SLC6A17: variants seen among roughly 807,000 people sequenced by gnomAD.
SLC6A17 encodes sodium-dependent neutral amino acid transporter SLC6A17.
Under a neutral mutation model 64.5 loss-of-function variants are expected in SLC6A17, and 21 were observed. That is an observed-to-expected ratio of 0.33 (90% CI 0.23 to 0.47). The LOEUF is 0.47. Ranked by LOEUF, SLC6A17 falls within the 20% of genes least tolerant of loss-of-function variation. The pLI is 1.00. For synonymous variants in SLC6A17, 372 were observed against 399.5 expected, an observed-to-expected ratio of 0.93 and a Z score of 0.82; for missense variants, 682 against 963.2, an observed-to-expected ratio of 0.71 and a Z score of 3.86.
At chr1:110,186,910 AC>A in intron 6 of SLC6A17, among the ~76,000 whole-genome samples, 1 of 152,366 alleles carries the variant, frequency 6.6e-6, no homozygotes, top group African/African-American at 2.4e-5. Context: ...GTAGGAGTTT[AC>A]CAGAAAGTGA....
chr1:110,197,732 G>T, intron 11 of SLC6A17, 133 bp downstream of exon 11: 1 of 1,051,420 alleles, frequency 9.5e-7, no homozygotes. Flanking sequence ...CACCTAAACC[G>T]CAATCTTACA....
Position 110,164,562 on chromosome 1 carries a change from C to G in SLC6A17, c.-87-2281C>G, listed in dbSNP as rs564617291. On this transcript the variant is annotated intron_variant, in intron 1 of 11. Transcript: ENST00000331565. ...GCCTCAGCCTGGAGGTTTGTGCGAG[C>G]CCTTTGCATCCTGCAGACCTAATGG... Among the ~76,000 whole-genome samples, 63 of 152,368 alleles carry G rather than the reference C, an allele frequency of 4.1e-4. No homozygotes were observed. In the South Asian group the frequency reaches 0.013, roughly 31 times the overall value.
chr1:110,167,242 G>C, intron 2 of SLC6A17, 27 bp downstream of exon 2: 1 of 1,593,196 alleles, frequency 6.3e-7, no homozygotes, highest in Non-Finnish European at 8.6e-7. Flanking sequence ...CCTGCATCAG[G>C]GGTCCCCTGC....
chr1:110,159,277 G>T (rs1655837740), intron 1 of SLC6A17, among the ~76,000 whole-genome samples: 1 of 152,158 alleles, frequency 6.6e-6, no homozygotes, highest in African/African-American at 2.4e-5. Context: ...GGTTGGGGGG[G>T]TGCTTTCTGG....
intron 6 of SLC6A17, among the ~76,000 whole-genome samples, chr1:110,189,443 A>C (rs1423778041): frequency 6.6e-6 from 1 of 151,890 alleles, no homozygotes; most frequent in Non-Finnish European, 1.5e-5. Context: ...AGATCTCTCC[A>C]TTGGCACCAC....
intron 1 of SLC6A17, among the ~76,000 whole-genome samples, chr1:110,156,119 A>T (rs150940544): frequency 6.6e-6 from 1 of 152,168 alleles, no homozygotes; most frequent in South Asian, 2.1e-4. Flanking sequence ...CTGCCACACC[A>T]CTGGGGCCAT....
intron 6 of SLC6A17, among the ~76,000 whole-genome samples, chr1:110,180,502 G>A (rs1057380207): frequency 6.6e-6 from 1 of 152,178 alleles, no homozygotes; most frequent in African/African-American, 2.4e-5. Flanking sequence ...AGGGAGTCAG[G>A]CAAGTGAGGC....
chr1:110,184,567 G>A (rs765823187), intron 6 of SLC6A17, among the ~76,000 whole-genome samples: 1 of 152,198 alleles, frequency 6.6e-6, no homozygotes, highest in Admixed American at 6.5e-5. Context: ...CAGAAAGGGT[G>A]GATAACTGTA....
chr1:110,175,386 A>G (rs1049988209), intron 5 of SLC6A17, among the ~76,000 whole-genome samples: 6 of 152,208 alleles, frequency 3.9e-5, no homozygotes, highest in African/African-American at 1.2e-4. Context: ...TTGAGCAGGT[A>G]GACGCTATGA....
chr1:110,195,943 T>A (rs891099884), intron 10 of SLC6A17, among the ~76,000 whole-genome samples, 198 bp downstream of exon 10: 1 of 152,182 alleles, frequency 6.6e-6, no homozygotes, highest in Non-Finnish European at 1.5e-5. Context: ...GTCTGAGGAC[T>A]GGGTGTCCTG....
chr1:110,172,374 AG>A, intron 3 of SLC6A17, 157 bp downstream of exon 3: 1 of 921,500 alleles, frequency 1.1e-6, no homozygotes, highest in Non-Finnish European at 1.6e-6. Context: ...CTGGGGTTCC[AG>A]GACCCCAGTC....
intron 1 of SLC6A17, among the ~76,000 whole-genome samples, chr1:110,162,674 A>G (rs1466595984): frequency 6.6e-6 from 1 of 152,200 alleles, no homozygotes; most frequent in Non-Finnish European, 1.5e-5. Context: ...TGCCTGCTCT[A>G]AAAGCTCACC....
At chr1:110,197,741 C>A in intron 11 of SLC6A17, 142 bp downstream of exon 11, 1 of 1,007,854 alleles carries the variant, frequency 9.9e-7, no homozygotes, top group Non-Finnish European at 1.4e-6. Flanking sequence ...CGCAATCTTA[C>A]AACAAGCCAA....
Position 110,192,693 on chromosome 1 carries a change from G to T in SLC6A17, c.1294G>T (p.Asp432Tyr). 1.2e-6 allele frequency: 2 copies of T among 1,613,168 alleles called. No homozygotes were observed. Among genetic ancestry groups the T allele is most frequent in the Non-Finnish European group, 1.7e-6 (2 of 1,179,440 alleles). ...CCCCTGCCTTCTGGAGGACGAGCTG[G>T]ACAAGGTGCGGGGACAGGCTGCCCT... is the stretch of plus-strand genomic sequence containing the variant. ...LDPCLLEDEL[D>Y]KSVQGTGLAF... Residue 432 changes from aspartate (D) to tyrosine (Y), a missense_variant, in exon 8 of 12, where the codon GAC (aspartate) becomes TAC (tyrosine). Asp to Tyr is a radical substitution (Grantham distance 160, BLOSUM62 -3). Coordinates refer to ENST00000331565, the MANE Select transcript of SLC6A17 (RefSeq NM_001010898.4). This position sits in a 1 kb window ranked among gnomAD's most constrained non-coding sequence, Gnocchi z 4.3.
Position 110,198,350 on chromosome 1 carries a change from C to A in SLC6A17, c.2090C>A (p.Pro697His), listed in dbSNP as rs778682488. ...CCCACTCACCGTTCCTATCTGGGGC[C>A]CGGCAGCACATCACCCCTGGAGACC... ...PMPTHRSYLG[P>H]GSTSPLETSG... The change falls in exon 12 of 12, where the codon CCC (proline) becomes CAC (histidine). Residue 697 changes from proline to histidine, a missense_variant. Around this residue, in one of 3 missense-constraint regions of SLC6A17, gnomAD observed 264 missense variants for 339.5 expected, o/e 0.78. Transcript: ENST00000331565. 1 of 1,614,166 alleles carries A rather than the reference C, an allele frequency of 6.2e-7. No homozygotes were observed. The highest frequency in any genetic ancestry group is 8.5e-7 in the Non-Finnish European group (1 of 1,180,014).
At chr1:110,185,055 C>T (rs1656644060) in intron 6 of SLC6A17, among the ~76,000 whole-genome samples, 1 of 152,158 alleles carries the variant, frequency 6.6e-6, no homozygotes, top group African/African-American at 2.4e-5. Flanking sequence ...GAGAGGGCTT[C>T]TCAGCAGGAT....
intron 2 of SLC6A17, 135 bp from the exon 3 acceptor site, chr1:110,171,925 A>G: frequency 8.6e-7 from 1 of 1,163,872 alleles, no homozygotes; most frequent in Non-Finnish European, 1.2e-6. Context: ...TCATTCATGG[A>G]GGAGCACCGG....
intron 10 of SLC6A17, among the ~76,000 whole-genome samples, chr1:110,197,021 A>C (rs1265136039): frequency 6.6e-6 from 1 of 152,216 alleles, no homozygotes; most frequent in Non-Finnish European, 1.5e-5. Context: ...CCTTGGTGAG[A>C]AACCCCTGAG....
At chr1:110,162,661 C>T (rs2101840450) in intron 1 of SLC6A17, among the ~76,000 whole-genome samples, 2 of 152,324 alleles carry the variant, frequency 1.3e-5, no homozygotes, top group South Asian at 4.1e-4. Context: ...GATTCCCAGG[C>T]CCTGCCTGCT....
Sources: allele counts gnomAD v4.1 joint callset (sites outside exome capture counted in the v4.1 genomes callset), GRCh38; gene constraint gnomAD v4.1.1; regional missense constraint gnomAD v4.1.1; non-coding constraint Gnocchi (gnomAD v3.1); transcripts MANE v1.5; gene names NCBI Gene and HGNC (gene_info 2026-07-23, HGNC 2026-07-21).